CNTNAP2: variants seen among roughly 807,000 people sequenced by gnomAD.
CNTNAP2 encodes contactin associated protein 2, also known as contactin-associated protein-like 2.
A neutral mutation model predicts 155.2 loss-of-function variants in CNTNAP2; 98 were observed. The observed-to-expected ratio is 0.63, with a 90% CI of 0.54 to 0.75. The LOEUF (loss-of-function observed/expected upper bound fraction) is 0.75, where lower values mean the gene tolerates loss of function less well. Among genes scored for constraint, CNTNAP2 ranks in the 30% least tolerant of loss-of-function variants. CNTNAP2 has a pLI of 0.00. For missense variants in CNTNAP2, 1,727 were observed against 1,688.1 expected (o/e 1.02, Z -0.40); for synonymous variants, 651 against 631.2 (o/e 1.03, Z -0.47).
intron 14 of CNTNAP2, among the ~76,000 whole-genome samples, chr7:147,951,915 A>G (rs1263068034): frequency 6.6e-6 from 1 of 151,986 alleles, no homozygotes; most frequent in Non-Finnish European, 1.5e-5. Context: ...CTGCACATGT[A>G]TCCCGGAACT....
chr7:148,079,126 G>A (rs1803550336), intron 15 of CNTNAP2, among the ~76,000 whole-genome samples: 1 of 152,168 alleles, frequency 6.6e-6, no homozygotes, highest in Admixed American at 6.5e-5. Flanking sequence ...TAAAATATTT[G>A]AAGAGATTTC....
intron 15 of CNTNAP2, among the ~76,000 whole-genome samples, chr7:148,092,863 A>T (rs545279138): frequency 4.0e-5 from 6 of 148,624 alleles, no homozygotes; most frequent in South Asian, 4.3e-4. Context: ...AAGAAGAAAG[A>T]CACACAGTCT....
rs537465636 is a variant in CNTNAP2 at position 148,057,438 on chromosome 7, G to A, written c.2384-60680G>A. ...CCTAACATGAGGTCTCACTAAATTC[G>A]AGATTTCATCAGCCTGAGAAGAACT... is the stretch of plus-strand genomic sequence containing the variant. On this transcript the variant is annotated intron_variant, in intron 15 of 23. Transcript: ENST00000361727. 1.4e-4 allele frequency among the ~76,000 whole-genome samples: 22 copies of A among 152,228 alleles called. No individual in the cohort carries two copies. In the South Asian group the frequency reaches 2.7e-3, roughly 19 times the overall value.
intron 10 of CNTNAP2, among the ~76,000 whole-genome samples, chr7:147,407,149 A>C (rs1041608363): frequency 9.9e-5 from 15 of 152,196 alleles, no homozygotes; most frequent in African/African-American, 3.6e-4. Flanking sequence ...AGAAATTTTC[A>C]AGTGGCACTT....
chr7:147,707,571 A>G (rs1456209243), intron 13 of CNTNAP2, among the ~76,000 whole-genome samples: 1 of 152,158 alleles, frequency 6.6e-6, no homozygotes, highest in African/African-American at 2.4e-5. Flanking sequence ...CCAGGGCAAC[A>G]TATGCTAATA....
intron 3 of CNTNAP2, among the ~76,000 whole-genome samples, chr7:147,033,160 GTATA>G (rs3081742): frequency 0.039 from 3,525 of 89,936 alleles, 54 homozygotes; most frequent in African/African-American, 0.042. Context: ...ATATATATAT[GTATA>G]TATATATATA....
intron 9 of CNTNAP2, among the ~76,000 whole-genome samples, chr7:147,325,561 G>A (rs117828611): frequency 0.022 from 3,328 of 152,230 alleles, 59 homozygotes; most frequent in Non-Finnish European, 0.032. Flanking sequence ...AAAATGAAGC[G>A]TAACTCCTAT....
chr7:147,446,123 CTTT>C (rs35712483), intron 10 of CNTNAP2, among the ~76,000 whole-genome samples: 183 of 139,884 alleles, frequency 1.3e-3, no homozygotes, highest in Middle Eastern at 3.8e-3. Flanking sequence ...TTGTTTCTTT[CTTT>C]TTTTTTTTTT....
At position 147,910,664 on chromosome 7, in the gene CNTNAP2, C is replaced by T. The variant is rs75521877; in HGVS notation, c.2255+6943C>T. Among the ~76,000 whole-genome samples the T allele has an allele frequency of 9.8e-3, 1,487 of 152,254 alleles. 26 individuals carry two copies. Among genetic ancestry groups the T allele is most frequent in the African/African-American group, 0.034 (1,395 of 41,546 alleles). On this transcript the variant is annotated intron_variant, in intron 14 of 23. Coordinates refer to ENST00000361727, the MANE Select transcript of CNTNAP2 (RefSeq NM_014141.6). Reference sequence around the variant, plus strand: ...GAAGGCAGAGGGAAAAGTAAAGCCACGTCTTACATGGCTGCAGGCAAGAGA... The same window carrying T: ...GAAGGCAGAGGGAAAAGTAAAGCCATGTCTTACATGGCTGCAGGCAAGAGA...
intron 1 of CNTNAP2, among the ~76,000 whole-genome samples, chr7:146,557,721 T>C (rs932878396): frequency 7.9e-5 from 12 of 152,206 alleles, no homozygotes; most frequent in Admixed American, 6.5e-4. Flanking sequence ...AACCATTTTC[T>C]AACTCACTAA....
chr7:147,160,744 A>G (rs7778663), intron 8 of CNTNAP2, among the ~76,000 whole-genome samples: 16,908 of 152,122 alleles, frequency 0.11, 1,466 homozygotes, highest in African/African-American at 0.25. Context: ...AGGATGTAAT[A>G]TTTAAGCTAA....
At chr7:146,625,462 T>C (rs1799403092) in intron 1 of CNTNAP2, among the ~76,000 whole-genome samples, 3 of 152,068 alleles carry the variant, frequency 2.0e-5, no homozygotes, top group South Asian at 2.1e-4. Flanking sequence ...AAATATCATA[T>C]GTTTTAAAAA....
chr7:146,702,999 C>T (rs921189806), intron 1 of CNTNAP2, among the ~76,000 whole-genome samples: 1 of 152,058 alleles, frequency 6.6e-6, no homozygotes, highest in African/African-American at 2.4e-5. Context: ...TGAGACAAAT[C>T]CCCAAGGGAT....
At chr7:147,202,411 A>C (rs996665824) in intron 8 of CNTNAP2, among the ~76,000 whole-genome samples, 2 of 152,160 alleles carry the variant, frequency 1.3e-5, no homozygotes, top group African/African-American at 4.8e-5. Context: ...AAATCTGAAA[A>C]TGTGTGAAAC....
At chr7:146,369,064 T>TAC (rs1795196871) in intron 1 of CNTNAP2, among the ~76,000 whole-genome samples, 1 of 145,154 alleles carries the variant, frequency 6.9e-6, no homozygotes, top group Non-Finnish European at 1.5e-5. Context: ...TATATATATA[T>TAC]ACTCATAACT....
intron 13 of CNTNAP2, among the ~76,000 whole-genome samples, chr7:147,859,889 C>T (rs904972837): frequency 1.3e-5 from 2 of 152,152 alleles, no homozygotes; most frequent in Non-Finnish European, 2.9e-5. Flanking sequence ...TTATCTGTCT[C>T]TCATAAATAT....
intron 1 of CNTNAP2, among the ~76,000 whole-genome samples, chr7:146,380,511 A>T (rs1024303482): frequency 4.6e-5 from 7 of 152,162 alleles, no homozygotes; most frequent in African/African-American, 1.7e-4. Flanking sequence ...TGGCACAATT[A>T]CCAAAGATGT....
chr7:148,249,560 T>G (rs1796331262), intron 20 of CNTNAP2, among the ~76,000 whole-genome samples: 1 of 152,198 alleles, frequency 6.6e-6, no homozygotes, highest in African/African-American at 2.4e-5. Context: ...CACACCAAAC[T>G]GACTCCCAGA....
chr7:146,535,700 T>C (rs1050193094), intron 1 of CNTNAP2, among the ~76,000 whole-genome samples: 3 of 151,740 alleles, frequency 2.0e-5, no homozygotes, highest in Non-Finnish European at 2.9e-5. Context: ...TGGGGTACAA[T>C]TGAACCTTTC....
Sources: gnomAD v4.1 joint callset for allele counts (sites outside exome capture counted in the v4.1 genomes callset) on GRCh38, gnomAD v4.1.1 for gene constraint, MANE v1.5 for transcripts, NCBI Gene and HGNC (gene_info 2026-07-23, HGNC 2026-07-21) for gene names.